Variants in DDX20 observed in about 807,000 individuals in gnomAD.
DDX20 encodes DEAD-box helicase 20, also known as probable ATP-dependent RNA helicase DDX20.
Under a neutral mutation model 76.4 loss-of-function variants are expected in DDX20, and 61 were observed. The observed-to-expected ratio is 0.80, with a 90% CI of 0.65 to 0.99. The LOEUF (loss-of-function observed/expected upper bound fraction) is 0.99. DDX20 is among the 50% of genes least tolerant of loss of function. The probability of loss-of-function intolerance (pLI) is 0.00; values close to 1 mark genes in which losing one functional copy is unlikely to be tolerated. For missense variants in DDX20, 976 were observed against 996.8 expected, an observed-to-expected ratio of 0.98 and a Z score of 0.28; for synonymous variants, 357 against 357.4, an observed-to-expected ratio of 1.00 and a Z score of 0.01.
chr1:111,756,308 C>T (rs1663552799), intron 1 of DDX20, 83 bp downstream of exon 1: 1 of 1,345,858 alleles, frequency 7.4e-7, no homozygotes, highest in African/African-American at 1.5e-5. Context: ...GCCCGCGCCG[C>T]AGCTCAGGAA....
intron 2 of DDX20, 24 bp downstream of exon 2, chr1:111,756,764 G>A: frequency 1.3e-6 from 2 of 1,583,746 alleles, no homozygotes; most frequent in East Asian, 2.2e-5. Flanking sequence ...GAGGACCAGA[G>A]GAGGATGTGT....
chr1:111,766,430 G>A lies in DDX20; in HGVS notation c.2006G>A (p.Gly669Glu), dbSNP rs1557924280. Residue 669 changes from glycine to glutamate, a missense_variant, in exon 11 of 11, where the codon GGA (glycine) becomes GAA (glutamate). Transcript: ENST00000369702. ...YSSRTSSQSK[G>E]NKSYLEGSSD... ...TCAAGAACCTCTTCCCAGAGCAAAG[G>A]AAATAAGTCATACTTGGAAGGCTCT... is the stretch of plus-strand genomic sequence containing the variant. 6.2e-7 allele frequency: 1 copy of A among 1,614,142 alleles called. No homozygotes were observed. Among genetic ancestry groups the A allele is most frequent in the African/African-American group, 1.3e-5 (1 of 75,032 alleles).
intron 10 of DDX20, among the ~76,000 whole-genome samples, chr1:111,764,325 T>G (rs1405188784): frequency 6.6e-6 from 1 of 152,210 alleles, no homozygotes; most frequent in Non-Finnish European, 1.5e-5. Context: ...TACATGACTT[T>G]GCAGAATATA....
intron 5 of DDX20, 54 bp downstream of exon 5, chr1:111,760,902 G>A: frequency 2.5e-6 from 4 of 1,596,480 alleles, no homozygotes; most frequent in South Asian, 1.1e-5. Context: ...ATATGCTGGA[G>A]CTTTCCCTTG....
In DDX20 at chr1:111,760,512, C is replaced by G. The variant is rs778213947; in HGVS notation, c.604C>G (p.Pro202Ala). The G allele has an allele frequency of 2.4e-5, 38 of 1,609,850 alleles. No homozygotes were observed. The highest frequency in any genetic ancestry group is 3.1e-5 in the Non-Finnish European group (37 of 1,178,998). Residue 202 changes from proline (P) to alanine (A), a missense_variant, in exon 4 of 11, where the codon CCA (proline) becomes GCA (alanine). By Grantham distance (27) the Pro-to-Ala change is conservative. This residue lies in a region of DDX20 where 343 missense variants were observed against 286.4 expected (regional missense o/e 1.20). Transcript: ENST00000369702. ...KQLIELDYLN[P>A]GSIRLFILDE... is the part of the protein sequence containing the mutation. ...ACTCATAGAACTTGACTACTTGAAC[C>G]CAGGCAGTATACGCCTCTTTATTCT...
Position 111,759,419 on chromosome 1 carries a change from C to G in DDX20, c.416C>G (p.Thr139Arg). The stretch of plus-strand genomic sequence containing the variant: ...TTTTAGATTTTGATCTTGGCTCCTA[C>G]AAGAGAAATTGCTGTACAGATACAT... Reference protein sequence around the residue: ...LSTQILILAPTREIAVQIHSV... With the variant: ...LSTQILILAPRREIAVQIHSV... Residue 139 changes from threonine (T) to arginine (R), a missense_variant, in exon 3 of 11, where the codon ACA becomes AGA. Around this residue, in one of 3 missense-constraint regions of DDX20, gnomAD observed 343 missense variants for 286.4 expected, o/e 1.20. Coordinates refer to ENST00000369702, the MANE Select transcript of DDX20 (RefSeq NM_007204.5). 3 of 1,598,892 alleles carry G rather than the reference C, an allele frequency of 1.9e-6. No individual in the cohort carries two copies. Among genetic ancestry groups the G allele is most frequent in the Non-Finnish European group, 2.6e-6 (3 of 1,174,910 alleles).
At chr1:111,762,386 C>CAAATT (rs1663691499) in intron 8 of DDX20, 49 bp downstream of exon 8, 1 of 1,385,410 alleles carries the variant, frequency 7.2e-7, no homozygotes, top group Non-Finnish European at 1.0e-6. Context: ...GACATATGTT[C>CAAATT]TATTATCAGA....
Position 111,766,945 on chromosome 1 carries a change from C to T in DDX20, c.*46C>T. 1.4e-6 allele frequency: 2 copies of T among 1,446,406 alleles called. No homozygotes were observed. 89.6% of individuals were successfully genotyped at this position (1,446,406 alleles called of 1,614,324 possible). On this transcript the variant is annotated 3_prime_UTR_variant, in exon 11 of 11. Transcript: ENST00000369702. ...CATCAGGAACTGTCAACAAATGATA[C>T]CTTTGGATATCCATCCTCCTCGACT...
chr1:111,763,892 C>A (rs1663724351), intron 10 of DDX20, among the ~76,000 whole-genome samples: 1 of 152,112 alleles, frequency 6.6e-6, no homozygotes. Flanking sequence ...ACAAAAAATT[C>A]TAAAAAACCC....
Position 111,756,006 on chromosome 1 carries a change from C to A in DDX20, c.82C>A (p.Pro28Thr), listed in dbSNP as rs761064156. 19 of 1,608,614 alleles carry A rather than the reference C, an allele frequency of 1.2e-5. No individual in the cohort carries two copies. Among genetic ancestry groups the A allele is most frequent in the Non-Finnish European group, 1.4e-5 (17 of 1,177,472 alleles). ...GGCTGAGCATGTGGCCGTGCAGGTC[C>A]CGGCCCCAGAGCCAACACCCGGGCC... ...MPAEHVAVQV[P>T]APEPTPGPVR... Residue 28 changes from proline to threonine, a missense_variant, in exon 1 of 11, where the codon CCG (proline) becomes ACG (threonine). Around this residue, in one of 3 missense-constraint regions of DDX20, gnomAD observed 343 missense variants for 286.4 expected, o/e 1.20. Transcript: ENST00000369702.
chr1:111,766,397 C>G lies in DDX20; in HGVS notation c.1973C>G (p.Ser658Cys), dbSNP rs558570032. Residue 658 changes from serine to cysteine, a missense_variant, in exon 11 of 11, where the codon TCT becomes TGT. Ser to Cys is a moderately radical substitution (Grantham distance 112, BLOSUM62 -1). This residue lies in a region of DDX20 where 630 missense variants were observed against 693.7 expected (regional missense o/e 0.91). Transcript: ENST00000369702. The stretch of plus-strand genomic sequence containing the variant: ...GGAGACTCTGAGAGTGACAGTGATT[C>G]TTACAGCTCAAGAACCTCTTCCCAG... ...QSGDSESDSDSYSSRTSSQSK... is the reference protein window; with the variant it reads ...QSGDSESDSDCYSSRTSSQSK... 1.2e-5 allele frequency: 20 copies of G among 1,614,138 alleles called. No homozygotes were observed. The East Asian group carries it at 4.2e-4, about 34-fold the overall frequency.
At chr1:111,758,859 A>T (rs1663616781) in intron 2 of DDX20, among the ~76,000 whole-genome samples, 1 of 152,146 alleles carries the variant, frequency 6.6e-6, no homozygotes, top group South Asian at 2.1e-4. Flanking sequence ...TTAACTGTTG[A>T]TTCCCCGGCA....
At chr1:111,763,095 T>C in intron 10 of DDX20, 88 bp downstream of exon 10, 3 of 1,069,008 alleles carry the variant, frequency 2.8e-6, no homozygotes, top group Admixed American at 2.0e-5. Flanking sequence ...AGAGTGCTTA[T>C]GATGTGCTGG....
chr1:111,761,393 C>G (rs961550340), intron 7 of DDX20, 109 bp downstream of exon 7: 10 of 837,582 alleles, frequency 1.2e-5, no homozygotes, highest in Non-Finnish European at 5.5e-6. Context: ...GTGAAATTAT[C>G]TTGTATCTTT....
chr1:111,761,564 A>G (rs753626267), intron 7 of DDX20: 10 of 255,604 alleles, frequency 3.9e-5, no homozygotes, highest in East Asian at 3.1e-4. Context: ...ACTTAATTCT[A>G]TAAAACCAAG....
Position 111,765,960 on chromosome 1 carries a change from C to T in DDX20, c.1536C>T (p.Thr512=), listed in dbSNP as rs1419720171. ...TATCAGTCAAATCAAAAAATAATAC[C>T]AAACAAAAGCTTCCTGTGAAAAGCC... is the stretch of plus-strand genomic sequence containing the variant. ...SGLSVKSKNN[T]KQKLPVKSHS... Residue 512 remains threonine (T), a synonymous_variant, in exon 11 of 11, where the codon ACC becomes ACT. Coordinates refer to ENST00000369702, the MANE Select transcript of DDX20 (RefSeq NM_007204.5). 1.9e-5 allele frequency: 30 copies of T among 1,613,160 alleles called. No homozygotes were observed. Among genetic ancestry groups the T allele is most frequent in the Non-Finnish European group, 2.5e-5 (29 of 1,179,802 alleles).
In DDX20 at chr1:111,767,395, A is replaced by G. The variant is rs1317694253; in HGVS notation, c.*496A>G. Reference sequence around the variant, plus strand: ...GTTTTAGGCAGGAAGGAATATTTAAACATTGCTTTAGATTTTCCTAAAGGT... The same window carrying G: ...GTTTTAGGCAGGAAGGAATATTTAAGCATTGCTTTAGATTTTCCTAAAGGT... On this transcript the variant is annotated 3_prime_UTR_variant, in exon 11 of 11. Coordinates refer to ENST00000369702, the MANE Select transcript of DDX20 (RefSeq NM_007204.5). The G allele has an allele frequency of 6.6e-6, 1 of 152,482 alleles. No homozygotes were observed. The highest frequency in any genetic ancestry group is 2.4e-5 in the African/African-American group (1 of 41,450). 9.4% of individuals were successfully genotyped at this position (152,482 alleles called of 1,614,324 possible).
In DDX20 at chr1:111,755,946, T is replaced by A. The variant is rs1462481779; in HGVS notation, c.22T>A (p.Ser8Thr). The A allele has an allele frequency of 6.3e-7, 1 of 1,585,120 alleles. No homozygotes were observed. The highest frequency in any genetic ancestry group is 1.1e-5 in the South Asian group (1 of 88,480). The stretch of plus-strand genomic sequence containing the variant: ...TACCATGGCGGCGGCATTTGAAGCC[T>A]CGGGAGCCTTAGCAGCAGTGGCGAC... MAAAFEA[S>T]GALAAVATAM... is the part of the protein sequence containing the mutation. The change falls in exon 1 of 11, where the codon TCG (serine) becomes ACG (threonine). Residue 8 changes from serine to threonine, a missense_variant. By Grantham distance (58) the Ser-to-Thr change is moderately conservative (BLOSUM62 1). Around this residue, in one of 3 missense-constraint regions of DDX20, gnomAD observed 343 missense variants for 286.4 expected, o/e 1.20. Transcript: ENST00000369702.
At chr1:111,760,400 A>G (rs1663647967) in intron 3 of DDX20, 74 bp from the exon 4 acceptor site, 1 of 1,013,892 alleles carries the variant, frequency 9.9e-7, no homozygotes, top group East Asian at 2.4e-5. Flanking sequence ...AGTAATAAGT[A>G]GAGTAACAAT....
Sources: allele counts gnomAD v4.1 joint callset (sites outside exome capture counted in the v4.1 genomes callset), GRCh38; gene constraint gnomAD v4.1.1; regional missense constraint gnomAD v4.1.1; transcripts MANE v1.5; gene names NCBI Gene and HGNC (gene_info 2026-07-23, HGNC 2026-07-21).